MIDEAS: variants seen among roughly 807,000 people sequenced by gnomAD.
MIDEAS encodes mitotic deacetylase associated SANT domain protein.
MIDEAS carries 26 observed loss-of-function variants against 102.7 expected under a neutral mutation model. The ratio of observed to expected loss-of-function variants is 0.25; its 90% CI spans 0.19 to 0.35. MIDEAS has a LOEUF of 0.35. Ranked by LOEUF, MIDEAS falls within the 10% of genes least tolerant of loss-of-function variation. MIDEAS has a pLI of 1.00. For missense variants in MIDEAS, 1,231 were observed against 1,435.6 expected (o/e 0.86, Z 2.30); for synonymous variants, 585 against 591.0 (o/e 0.99, Z 0.15).
intron 3 of MIDEAS, among the ~76,000 whole-genome samples, chr14:73,733,752 T>C (rs982860497): frequency 2.8e-4 from 43 of 152,162 alleles, no homozygotes; most frequent in Non-Finnish European, 2.9e-5. Context: ...TGGAGTGCAG[T>C]GGTACGATCT....
At chr14:73,751,292 C>A (rs907442316) in intron 1 of MIDEAS, among the ~76,000 whole-genome samples, 1 of 152,234 alleles carries the variant, frequency 6.6e-6, no homozygotes, top group Non-Finnish European at 1.5e-5. Flanking sequence ...AAACTTCCTC[C>A]CCCAAGAGTT....
intron 2 of MIDEAS, among the ~76,000 whole-genome samples, chr14:73,738,194 G>A (rs1368607174): frequency 2.0e-5 from 3 of 151,796 alleles, no homozygotes; most frequent in South Asian, 2.1e-4. Context: ...TCAGGAGTTC[G>A]AGACCAGCCT....
intron 9 of MIDEAS, chr14:73,724,999 A>G (rs991547881): frequency 6.0e-5 from 20 of 330,886 alleles, no homozygotes; most frequent in Admixed American, 4.9e-4. Context: ...CCTCCTGCCT[A>G]TTTTAAGTCT....
At chr14:73,738,222 C>A (rs1349839191) in intron 2 of MIDEAS, among the ~76,000 whole-genome samples, 2 of 151,956 alleles carry the variant, frequency 1.3e-5, no homozygotes, top group Non-Finnish European at 2.9e-5. Flanking sequence ...ATGGTAAAAC[C>A]CTGTCTCTAC....
rs1296501752 is a variant in MIDEAS at position 73,729,938 on chromosome 14, T to C, written c.1797A>G (p.Lys599=). ...GCTCGGGCCTGGGCCGCTGCTTTGG[T>C]TTCCGCACGGAAGGCTCCCCCTCCA... ...VKLEGEPSVR[K]PKQRPRPEPL... Residue 599 remains lysine, a synonymous_variant, in exon 4 of 13, where the codon AAA becomes AAG. Transcript: ENST00000423556. The C allele has an allele frequency of 1.2e-6, 2 of 1,604,096 alleles. No individual in the cohort carries two copies. The highest frequency in any genetic ancestry group is 2.2e-5 in the South Asian group (2 of 90,330).
chr14:73,774,673 C>G (rs189145472), intron 1 of MIDEAS, among the ~76,000 whole-genome samples: 75 of 151,960 alleles, frequency 4.9e-4, no homozygotes, highest in African/African-American at 1.7e-3. Context: ...GGTTTTATAC[C>G]CCCAAATCCC....
chr14:73,719,052 G>A (rs1195178145), intron 12 of MIDEAS, 44 bp from the exon 13 acceptor site: 3 of 1,448,292 alleles, frequency 2.1e-6, no homozygotes, highest in Non-Finnish European at 2.7e-6. Flanking sequence ...TAGCCCACCC[G>A]GGGGCCCCCA....
At chr14:73,722,964 A>C in intron 9 of MIDEAS, 117 bp from the exon 10 acceptor site, 1 of 1,211,946 alleles carries the variant, frequency 8.3e-7, no homozygotes, top group African/African-American at 1.5e-5. Context: ...AATGAAACCC[A>C]GCCAACCCAG....
chr14:73,765,676 T>A (rs2053587029), intron 1 of MIDEAS, among the ~76,000 whole-genome samples: 2 of 152,270 alleles, frequency 1.3e-5, no homozygotes, highest in South Asian at 4.1e-4. Flanking sequence ...CCTGAAGTTC[T>A]CCAAGATTCC....
At position 73,718,840 on chromosome 14, in the gene MIDEAS, C is replaced by A; in HGVS notation, c.*3G>T. The A allele has an allele frequency of 1.4e-6, 2 of 1,452,014 alleles. No individual in the cohort carries two copies. Among genetic ancestry groups the A allele is most frequent in the Non-Finnish European group, 1.8e-6 (2 of 1,111,170 alleles). The allele number at this position is 1,452,014 out of a possible 1,614,324, so 89.9% of individuals were successfully genotyped here. Reference sequence around the variant, plus strand: ...CAGGACTGGGCCAGCCTGGCTCCCGCGCTCAGCCCTTGTCGCCCGCACCGC... The same window carrying A: ...CAGGACTGGGCCAGCCTGGCTCCCGAGCTCAGCCCTTGTCGCCCGCACCGC... On this transcript the variant is annotated 3_prime_UTR_variant, in exon 13 of 13. Coordinates refer to ENST00000423556, the MANE Select transcript of MIDEAS (RefSeq NM_001367710.1).
chr14:73,783,943 G>A (rs1374532338), intron 1 of MIDEAS, among the ~76,000 whole-genome samples: 3 of 152,122 alleles, frequency 2.0e-5, no homozygotes, highest in Non-Finnish European at 1.5e-5. Flanking sequence ...TAGGAAGTGG[G>A]GCAGCTAGGA....
At chr14:73,741,586 T>A (rs866364323) in intron 1 of MIDEAS, among the ~76,000 whole-genome samples, 1 of 152,124 alleles carries the variant, frequency 6.6e-6, no homozygotes, top group African/African-American at 2.4e-5. Context: ...GTCCCGACTA[T>A]ACCCAGTTTG....
At chr14:73,761,440 G>A (rs1471525422), upstream of MIDEAS, among the ~76,000 whole-genome samples, 1 of 152,222 alleles carries the variant, frequency 6.6e-6, no homozygotes, top group Non-Finnish European at 1.5e-5. Context: ...GCTGGCTGGA[G>A]CACCTGCGTA....
chr14:73,777,704 T>C (rs1016816280), intron 1 of MIDEAS, among the ~76,000 whole-genome samples: 2 of 151,972 alleles, frequency 1.3e-5, no homozygotes, highest in Non-Finnish European at 2.9e-5. Context: ...CCAGGACGCC[T>C]CTCATTCGTT....
intron 1 of MIDEAS, among the ~76,000 whole-genome samples, chr14:73,753,395 G>A (rs1422526612): frequency 1.3e-5 from 2 of 152,256 alleles, no homozygotes; most frequent in African/African-American, 4.8e-5. Flanking sequence ...GGGAGCTGCA[G>A]GGTAAAAGTA....
At chr14:73,724,660 ACT>A (rs1162056022) in intron 9 of MIDEAS, 3 of 154,744 alleles carry the variant, frequency 1.9e-5, no homozygotes, top group African/African-American at 7.3e-5. Context: ...CTTTTTAAAA[ACT>A]CTTTTCCCTT....
intron 1 of MIDEAS, among the ~76,000 whole-genome samples, chr14:73,773,851 T>C (rs2053664547): frequency 6.6e-6 from 1 of 151,558 alleles, no homozygotes; most frequent in African/African-American, 2.4e-5. Context: ...GGTAAAACCC[T>C]GTCTCTACTG....
rs745763268 is a variant in MIDEAS, at chr14:73,727,278, C to T, written c.2162+180G>A. On this transcript the variant is annotated intron_variant, in intron 5 of 12. Transcript: ENST00000423556. The stretch of plus-strand genomic sequence containing the variant: ...AGCCGGTCCTTGCCCTTCCCTGCAA[C>T]TTCCACACAGAGGCAGGGCGGGGAC... The T allele has an allele frequency of 5.8e-6, 4 of 695,366 alleles. 1 individual carries two copies. Among genetic ancestry groups the T allele is most frequent in the Non-Finnish European group, 4.8e-6 (2 of 416,162 alleles). 43.1% of individuals were successfully genotyped at this position (695,366 alleles called of 1,614,324 possible). A position where few individuals can be genotyped will look rare whatever the true frequency, so the allele number is the denominator to read the frequency against.
chr14:73,788,867 CAA>C (rs1243572971), upstream of MIDEAS: 12 of 152,172 alleles, frequency 7.9e-5, no homozygotes, highest in South Asian at 4.1e-4. Flanking sequence ...TTTGCTAAAA[CAA>C]GAGCTGAATA....
Sources: allele counts gnomAD v4.1 joint callset (sites outside exome capture counted in the v4.1 genomes callset), GRCh38; gene constraint gnomAD v4.1.1; transcripts MANE v1.5; gene names NCBI Gene and HGNC (gene_info 2026-07-23, HGNC 2026-07-21).